Variants in ESF1 observed in about 807,000 individuals in gnomAD.
ESF1 encodes the protein ESF1 homolog.
ESF1 carries 58 observed loss-of-function variants against 92.0 expected under a neutral mutation model. That is an observed-to-expected ratio of 0.63 (90% CI 0.51 to 0.78). ESF1 has a LOEUF of 0.78. Ranked by LOEUF, ESF1 falls within the 30% of genes least tolerant of loss-of-function variation. The pLI is 0.00. For missense variants in ESF1, 922 were observed against 989.1 expected, an observed-to-expected ratio of 0.93 and a Z score of 0.91; for synonymous variants, 321 against 313.7, an observed-to-expected ratio of 1.02 and a Z score of -0.24.
intron 9 of ESF1, among the ~76,000 whole-genome samples, chr20:13,740,921 A>G (rs940991535): frequency 1.3e-5 from 2 of 152,162 alleles, no homozygotes; most frequent in Non-Finnish European, 2.9e-5. Flanking sequence ...TCCCAGAAAG[A>G]GGCTAAGACG....
intron 13 of ESF1, among the ~76,000 whole-genome samples, chr20:13,716,834 T>C (rs1346284020): frequency 1.2e-5 from 1 of 85,942 alleles, no homozygotes; most frequent in African/African-American, 4.2e-5. Flanking sequence ...TTTTTTTTTT[T>C]TTAGACAGAG....
At chr20:13,725,730 C>T (rs34545638) in intron 11 of ESF1, among the ~76,000 whole-genome samples, 2,708 of 152,302 alleles carry the variant, frequency 0.018, 48 homozygotes, top group Non-Finnish European at 0.028. Context: ...GCTCTCTACT[C>T]GCACTGCCAT....
chr20:13,784,610 G>C (rs1445607165), intron 1 of ESF1, among the ~76,000 whole-genome samples: 1 of 152,048 alleles, frequency 6.6e-6, no homozygotes, highest in Admixed American at 6.5e-5. Flanking sequence ...CTCTAATTCG[G>C]AGAACACAGG....
At chr20:13,757,617 G>A (rs1385590895) in intron 9 of ESF1, among the ~76,000 whole-genome samples, 4 of 152,074 alleles carry the variant, frequency 2.6e-5, no homozygotes, top group African/African-American at 9.7e-5. Flanking sequence ...TACTCGGGCT[G>A]GTCTCGAACA....
intron 9 of ESF1, among the ~76,000 whole-genome samples, chr20:13,751,766 G>A (rs1024385841): frequency 5.9e-5 from 9 of 152,200 alleles, no homozygotes; most frequent in South Asian, 2.1e-4. Flanking sequence ...CACTTTGGGA[G>A]GCTGAGGTGG....
intron 9 of ESF1, among the ~76,000 whole-genome samples, chr20:13,751,930 G>C (rs1221375501): frequency 1.3e-5 from 2 of 152,132 alleles, no homozygotes; most frequent in Non-Finnish European, 2.9e-5. Context: ...ACGAGGCGGA[G>C]GTTGCAGTGA....
chr20:13,747,265 A>C (rs2050055974), intron 9 of ESF1, among the ~76,000 whole-genome samples: 1 of 151,896 alleles, frequency 6.6e-6, no homozygotes, highest in South Asian at 2.1e-4. Context: ...GTATATTAAA[A>C]AAAAAAAAAA....
At chr20:13,775,600 C>T (rs150222132) in intron 3 of ESF1, among the ~76,000 whole-genome samples, 1 of 152,096 alleles carries the variant, frequency 6.6e-6, no homozygotes, top group Non-Finnish European at 1.5e-5. Context: ...TGCAACATTT[C>T]TTTTGGGTGC....
intron 11 of ESF1, among the ~76,000 whole-genome samples, chr20:13,727,711 T>C (rs1486338418): frequency 6.6e-6 from 1 of 152,076 alleles, no homozygotes; most frequent in Non-Finnish European, 1.5e-5. Context: ...GAATGAGTAG[T>C]GCATATGAGG....
rs138569918 is a variant in ESF1 at position 13,775,893 on chromosome 20, C to A, written c.1015G>T (p.Asp339Tyr). Residue 339 changes from aspartate to tyrosine, a missense_variant, in exon 3 of 14, where the codon GAT becomes TAT. Physicochemically the swap from Asp to Tyr is radical, Grantham distance 160. Transcript: ENST00000617257. ...GTTACCTCATCAGCACGAGGAGCATCTTTATCTAATTCTCTCCAAGCATGC... is the reference window on the plus strand; with the variant it reads ...GTTACCTCATCAGCACGAGGAGCATATTTATCTAATTCTCTCCAAGCATGC... The part of the protein sequence containing the change: ...FEHAWRELDK[D>Y]APRADEITRR... The A allele has an allele frequency of 5.3e-4, 857 of 1,608,456 alleles. 2 individuals carry two copies. In the Middle Eastern group the frequency reaches 5.5e-3, roughly 10 times the overall value.
At chr20:13,742,653 A>ATAGTATAG (rs2050022547) in intron 9 of ESF1, among the ~76,000 whole-genome samples, 1 of 152,276 alleles carries the variant, frequency 6.6e-6, no homozygotes, top group East Asian at 1.9e-4. Flanking sequence ...ATGAATATAC[A>ATAGTATAG]AACTATAGTA....
At chr20:13,775,356 C>G in intron 3 of ESF1, 86 bp from the exon 4 acceptor site, 1 of 825,916 alleles carries the variant, frequency 1.2e-6, no homozygotes, top group Non-Finnish European at 1.9e-6. Flanking sequence ...GTAATGCCTT[C>G]TGTCCCCTAT....
intron 9 of ESF1, among the ~76,000 whole-genome samples, chr20:13,756,126 T>C (rs1978882768): frequency 6.6e-6 from 1 of 152,216 alleles, no homozygotes; most frequent in Non-Finnish European, 1.5e-5. Context: ...AAGTACTTTG[T>C]AGTTTATAAC....
At chr20:13,744,640 G>C (rs917313098) in intron 9 of ESF1, among the ~76,000 whole-genome samples, 1 of 152,136 alleles carries the variant, frequency 6.6e-6, no homozygotes, top group African/African-American at 2.4e-5. Context: ...CATCAGTAAT[G>C]TTTCCCCCTC....
At chr20:13,726,377 A>T (rs918182679) in intron 11 of ESF1, among the ~76,000 whole-genome samples, 3 of 152,084 alleles carry the variant, frequency 2.0e-5, no homozygotes, top group African/African-American at 7.2e-5. Flanking sequence ...ATGTCTTTCA[A>T]TTCTTAACAC....
Position 13,716,804 on chromosome 20 carries a change from ATTTTTTTTTTTT to A in ESF1, c.2262+552_2262+563del, listed in dbSNP as rs71188180. ...TACAGGTGTGCGCCACTATACCTGG[ATTTTTTTTTTTT>A]TTTTTTTTTTTTTTTTTTTTAGACA... On this transcript the variant is annotated intron_variant, in intron 13 of 13. Coordinates refer to ENST00000617257, the MANE Select transcript of ESF1 (RefSeq NM_001276380.2). Among the ~76,000 whole-genome samples the A allele has an allele frequency of 2.0e-3, 94 of 45,916 alleles. 1 individual carries two copies. Among genetic ancestry groups the A allele is most frequent in the South Asian group, 6.5e-3 (5 of 766 alleles). The allele number at this position is 45,916 out of a possible 152,430, so 30.1% of individuals were successfully genotyped here.
chr20:13,736,853 A>C (rs977874810), intron 9 of ESF1, among the ~76,000 whole-genome samples: 2 of 151,506 alleles, frequency 1.3e-5, no homozygotes, highest in Non-Finnish European at 2.9e-5. Flanking sequence ...ACAGTCTGTA[A>C]TTTTTTTTTG....
chr20:13,721,679 T>C (rs186644607), intron 11 of ESF1, among the ~76,000 whole-genome samples: 1 of 152,184 alleles, frequency 6.6e-6, no homozygotes, highest in Non-Finnish European at 1.5e-5. Flanking sequence ...GCGAATACTC[T>C]TGCACACCTG....
At chr20:13,740,748 C>G (rs1374673368) in intron 9 of ESF1, among the ~76,000 whole-genome samples, 1 of 152,116 alleles carries the variant, frequency 6.6e-6, no homozygotes, top group Non-Finnish European at 1.5e-5. Context: ...ATGTTAAAAG[C>G]CAGGTACCCA....
Sources: gnomAD v4.1 joint callset for allele counts (sites outside exome capture counted in the v4.1 genomes callset) on GRCh38, gnomAD v4.1.1 for gene constraint, MANE v1.5 for transcripts, NCBI Gene and HGNC (gene_info 2026-07-23, HGNC 2026-07-21) for gene names.